The following FAF1 variants were observed in gnomAD, a reference collection of about 807,000 sequenced individuals.
FAF1 encodes the protein Fas associated factor 1.
FAF1 carries 25 observed loss-of-function variants against 92.5 expected under a neutral mutation model. That is an observed-to-expected ratio of 0.27 (90% confidence interval 0.20 to 0.38). FAF1 has a LOEUF of 0.38. FAF1 is among the 10% of genes least tolerant of loss of function. The probability of loss-of-function intolerance (pLI) is 1.00; values close to 1 mark genes in which losing one functional copy is unlikely to be tolerated. For synonymous variants in FAF1, 234 were observed against 273.2 expected, an observed-to-expected ratio of 0.86 and a Z score of 1.42; for missense variants, 636 against 793.3, an observed-to-expected ratio of 0.80 and a Z score of 2.38.
At chr1:50,726,316 A>C (rs1290855617) in intron 6 of FAF1, among the ~76,000 whole-genome samples, 1 of 152,152 alleles carries the variant, frequency 6.6e-6, no homozygotes, top group East Asian at 1.9e-4. Flanking sequence ...ATAAAAGTTC[A>C]ATAGCAAGAC....
intron 7 of FAF1, among the ~76,000 whole-genome samples, chr1:50,695,345 T>C (rs551983759): frequency 6.6e-6 from 1 of 151,708 alleles, no homozygotes; most frequent in African/African-American, 2.4e-5. Context: ...GAGGTGGAGG[T>C]TGCAGCGAGC....
Position 50,751,165 on chromosome 1 carries a change from G to C in FAF1, c.368-6390C>G, listed in dbSNP as rs570801136. On this transcript the variant is annotated intron_variant, in intron 4 of 18. Transcript: ENST00000396153. Reference sequence around the variant, plus strand: ...CATTTCATGTTAAAAAAAAAAAAGAGCTAAACTTAGAGCAAAGTAGGAATA... The same window carrying C: ...CATTTCATGTTAAAAAAAAAAAAGACCTAAACTTAGAGCAAAGTAGGAATA... Among the ~76,000 whole-genome samples the C allele has an allele frequency of 2.0e-5, 3 of 149,898 alleles. No individual in the cohort carries two copies. The South Asian group carries it at 6.3e-4, about 32-fold the overall frequency.
intron 2 of FAF1, among the ~76,000 whole-genome samples, chr1:50,810,629 G>T (rs1319101158): frequency 6.6e-6 from 1 of 152,194 alleles, no homozygotes; most frequent in African/African-American, 2.4e-5. Context: ...AGAAAGAGAG[G>T]AAGTCAAACT....
chr1:50,764,412 T>G (rs1052020264), intron 4 of FAF1, among the ~76,000 whole-genome samples: 1 of 152,234 alleles, frequency 6.6e-6, no homozygotes, highest in Non-Finnish European at 1.5e-5. Flanking sequence ...ATCATTCAGA[T>G]ACCTGCATGT....
chr1:50,824,464 T>G (rs1229573856), intron 2 of FAF1, among the ~76,000 whole-genome samples: 1 of 152,114 alleles, frequency 6.6e-6, no homozygotes, highest in African/African-American at 2.4e-5. Context: ...CCATAGCACT[T>G]AAAGTTGACT....
intron 8 of FAF1, among the ~76,000 whole-genome samples, chr1:50,601,759 TATATATTCATATGTATAC>T (rs1652147421): frequency 6.6e-6 from 1 of 151,520 alleles, no homozygotes; most frequent in Non-Finnish European, 1.5e-5. Flanking sequence ...TATATACACA[TATATATTCATATGTATAC>T]ATATATTCAT....
chr1:50,630,635 CATA>C (rs1426396536), intron 8 of FAF1, among the ~76,000 whole-genome samples: 1 of 151,960 alleles, frequency 6.6e-6, no homozygotes, highest in African/African-American at 2.4e-5. Context: ...GAGGGAATGA[CATA>C]ATATTAAAGA....
intron 2 of FAF1, among the ~76,000 whole-genome samples, chr1:50,830,128 G>GT (rs768137787): frequency 7.7e-4 from 117 of 152,122 alleles, no homozygotes; most frequent in South Asian, 1.7e-3. Context: ...GGTCTTTTTG[G>GT]TTTTTTTGAG....
intron 7 of FAF1, among the ~76,000 whole-genome samples, chr1:50,683,886 C>T (rs1008384558): frequency 2.7e-5 from 4 of 150,800 alleles, no homozygotes; most frequent in Admixed American, 2.0e-4. Context: ...GAGCCAAGAT[C>T]GCGCCATTGC....
intron 17 of FAF1, among the ~76,000 whole-genome samples, chr1:50,485,666 T>TAAAA (rs1646756488): frequency 5.8e-5 from 1 of 17,362 alleles, no homozygotes; most frequent in African/African-American, 3.4e-4. Context: ...CGAGACTGTC[T>TAAAA]CAAAAAAAAA....
intron 15 of FAF1, among the ~76,000 whole-genome samples, chr1:50,532,946 G>A (rs1648259211): frequency 6.6e-6 from 1 of 152,128 alleles, no homozygotes; most frequent in Admixed American, 6.5e-5. Flanking sequence ...TGAGTAGCTA[G>A]GACTACAGGC....
Position 50,440,412 on chromosome 1 carries a change from T to C in FAF1, c.*1028A>G, listed in dbSNP as rs1431956555. 1.3e-5 allele frequency: 2 copies of C among 152,216 alleles called. No individual in the cohort carries two copies. Among genetic ancestry groups the C allele is most frequent in the Non-Finnish European group, 2.9e-5 (2 of 68,038 alleles). The allele number at this position is 152,216 out of a possible 1,614,324, so 9.4% of individuals were successfully genotyped here. On this transcript the variant is annotated 3_prime_UTR_variant, in exon 19 of 19. Coordinates refer to ENST00000396153, the MANE Select transcript of FAF1 (RefSeq NM_007051.3). Reference sequence around the variant, plus strand: ...CTGATTTTTCAGCCACAGAATGAGATCCCTTTCATTTGAGTCCAATATCAA... The same window carrying C: ...CTGATTTTTCAGCCACAGAATGAGACCCCTTTCATTTGAGTCCAATATCAA...
intron 1 of FAF1, among the ~76,000 whole-genome samples, chr1:50,927,669 A>G (rs1645016706): frequency 6.6e-6 from 1 of 152,222 alleles, no homozygotes; most frequent in Admixed American, 6.5e-5. Context: ...AATTGAATGG[A>G]AGAAGGAGGC....
intron 8 of FAF1, among the ~76,000 whole-genome samples, chr1:50,636,959 C>T (rs74080035): frequency 0.031 from 4,737 of 152,066 alleles, 243 homozygotes; most frequent in African/African-American, 0.11. Context: ...CTGTCTCCAC[C>T]GCATTACTTT....
intron 8 of FAF1, among the ~76,000 whole-genome samples, chr1:50,636,576 G>C (rs1654022078): frequency 6.6e-6 from 1 of 151,860 alleles, no homozygotes; most frequent in African/African-American, 2.4e-5. Context: ...GGCTAGTCTT[G>C]AACTACTGAC....
intron 4 of FAF1, among the ~76,000 whole-genome samples, chr1:50,786,036 G>A (rs1264442867): frequency 6.6e-6 from 1 of 152,084 alleles, no homozygotes; most frequent in African/African-American, 2.4e-5. Flanking sequence ...AGGAGGCCAA[G>A]GCAGGGGGAC....
chr1:50,675,825 TGATA>T (rs1326982885), intron 7 of FAF1, among the ~76,000 whole-genome samples: 25 of 152,352 alleles, frequency 1.6e-4, no homozygotes, highest in African/African-American at 5.8e-4. Flanking sequence ...ATAGTTATAA[TGATA>T]AAGATATCAA....
intron 15 of FAF1, among the ~76,000 whole-genome samples, chr1:50,492,426 A>T (rs948160629): frequency 6.6e-6 from 1 of 152,234 alleles, no homozygotes; most frequent in African/African-American, 2.4e-5. Flanking sequence ...AACAAAAGTT[A>T]TCTAAGTTGA....
intron 7 of FAF1, among the ~76,000 whole-genome samples, chr1:50,681,436 A>G (rs1222503881): frequency 2.0e-5 from 3 of 152,144 alleles, no homozygotes; most frequent in African/African-American, 7.2e-5. Flanking sequence ...TTTTACATCT[A>G]GAATACATAT....
Sources: allele counts gnomAD v4.1 joint callset (sites outside exome capture counted in the v4.1 genomes callset), GRCh38; gene constraint gnomAD v4.1.1; transcripts MANE v1.5; gene names NCBI Gene and HGNC (gene_info 2026-07-23, HGNC 2026-07-21).